The following FBXL13 variants were observed in gnomAD, a reference collection of about 807,000 sequenced individuals.
FBXL13 encodes F-box and leucine-rich repeat protein 13.
Under a neutral mutation model 83.6 loss-of-function variants are expected in FBXL13, and 67 were observed. The ratio of observed to expected loss-of-function variants is 0.80; its 90% CI spans 0.66 to 0.98. FBXL13 has a LOEUF of 0.98. FBXL13 is among the 50% of genes least tolerant of loss of function. The pLI, the probability that FBXL13 is intolerant of heterozygous loss-of-function variation, is 0.00. For missense variants in FBXL13, 822 were observed against 866.5 expected (o/e 0.95, Z 0.64); for synonymous variants, 272 against 299.5 (o/e 0.91, Z 0.95).
At chr7:102,961,444 C>G (rs1456408018) in intron 8 of FBXL13, among the ~76,000 whole-genome samples, 1 of 148,738 alleles carries the variant, frequency 6.7e-6, no homozygotes, top group Non-Finnish European at 1.5e-5. Flanking sequence ...CCATCCCCAT[C>G]AAGCTACCAA....
intron 8 of FBXL13, among the ~76,000 whole-genome samples, chr7:102,932,549 G>A (rs111891854): frequency 1.2e-3 from 1 of 840 alleles, no homozygotes. Flanking sequence ...ATAATAAACA[G>A]AATAGTTGAC....
At chr7:103,049,027 C>T (rs572406666) in intron 2 of FBXL13, among the ~76,000 whole-genome samples, 21 of 152,292 alleles carry the variant, frequency 1.4e-4, no homozygotes, top group African/African-American at 4.1e-4. Context: ...AATCCTTTCA[C>T]GACTTACACA....
intron 1 of FBXL13, among the ~76,000 whole-genome samples, chr7:103,061,715 G>A (rs555401358): frequency 1.3e-5 from 2 of 152,096 alleles, no homozygotes; most frequent in African/African-American, 4.8e-5. Context: ...AAGACAGGCA[G>A]ATCACGAAGT....
intron 2 of FBXL13, among the ~76,000 whole-genome samples, chr7:103,031,541 T>G (rs1415855928): frequency 1.6e-4 from 25 of 152,228 alleles, no homozygotes; most frequent in Admixed American, 1.6e-3. Flanking sequence ...AAGTTAGTGC[T>G]GGCTACAGAT....
chr7:103,053,855 T>A (rs183529808), intron 2 of FBXL13, among the ~76,000 whole-genome samples: 1 of 152,328 alleles, frequency 6.6e-6, no homozygotes, highest in East Asian at 1.9e-4. Flanking sequence ...ATGGGATACA[T>A]GGGTTCTGCC....
intron 6 of FBXL13, among the ~76,000 whole-genome samples, chr7:102,970,860 A>G (rs1826561224): frequency 6.6e-6 from 1 of 152,216 alleles, no homozygotes; most frequent in Non-Finnish European, 1.5e-5. Flanking sequence ...AGAATCAACA[A>G]ATGAATATGT....
intron 11 of FBXL13, 171 bp downstream of exon 12, chr7:102,912,915 A>G: frequency 1.3e-6 from 1 of 793,288 alleles, no homozygotes. Flanking sequence ...CCAAGAGCCT[A>G]TAATAGCGAT....
chr7:103,065,250 C>T (rs1361310142), intron 1 of FBXL13, among the ~76,000 whole-genome samples: 1 of 152,130 alleles, frequency 6.6e-6, no homozygotes. Flanking sequence ...GTATAGGGAA[C>T]ACTTATGTAC....
In FBXL13 at chr7:102,911,980, T is replaced by C. The variant is rs143933153; in HGVS notation, c.1008+1106A>G. ...GGATACCACAAGATGTCAGTGGAGGTGACTAGGTAAGAATTCTATCCATTC... is the reference window on the plus strand; with the variant it reads ...GGATACCACAAGATGTCAGTGGAGGCGACTAGGTAAGAATTCTATCCATTC... On this transcript the variant is annotated intron_variant, in intron 11 of 19. Coordinates refer to ENST00000313221, the Ensembl canonical transcript of FBXL13. Among the ~76,000 whole-genome samples the C allele has an allele frequency of 3.7e-3, 566 of 152,180 alleles. 5 individuals are homozygous for C. The highest frequency in any genetic ancestry group is 0.013 in the African/African-American group (559 of 41,502).
At chr7:102,838,666 T>C (rs1802409864) in intron 17 of FBXL13, among the ~76,000 whole-genome samples, 1 of 152,094 alleles carries the variant, frequency 6.6e-6, no homozygotes, top group Non-Finnish European at 1.5e-5. Context: ...GAAACATGTG[T>C]TGTATGGGAT....
chr7:102,981,554 A>G (rs1394047195), intron 6 of FBXL13, among the ~76,000 whole-genome samples: 1 of 152,208 alleles, frequency 6.6e-6, no homozygotes, highest in Non-Finnish European at 1.5e-5. Flanking sequence ...GCTAAAACTG[A>G]GTACTATAGA....
intron 2 of FBXL13, among the ~76,000 whole-genome samples, chr7:103,049,469 T>C (rs1414651925): frequency 6.6e-6 from 1 of 152,222 alleles, no homozygotes; most frequent in Non-Finnish European, 1.5e-5. Context: ...ACCAATGAAT[T>C]AGAGTTCTTT....
chr7:103,041,629 C>G (rs1310200074), intron 2 of FBXL13, among the ~76,000 whole-genome samples: 1 of 151,660 alleles, frequency 6.6e-6, no homozygotes, highest in Non-Finnish European at 1.5e-5. Flanking sequence ...CCACCACAAT[C>G]AAGTTGGCTT....
chr7:103,001,325 T>G (rs796939474), intron 6 of FBXL13, among the ~76,000 whole-genome samples: 29 of 152,290 alleles, frequency 1.9e-4, no homozygotes, highest in African/African-American at 7.0e-4. Flanking sequence ...ATAGGTTTCT[T>G]GTAGGCAGTA....
At chr7:102,880,497 T>C (rs1169053946) in intron 14 of FBXL13, among the ~76,000 whole-genome samples, 3 of 152,252 alleles carry the variant, frequency 2.0e-5, no homozygotes, top group East Asian at 1.9e-4. Context: ...TAGGTTTTTT[T>C]CCCAGATAAA....
rs114093097 is a variant in FBXL13 at position 102,978,487 on chromosome 7, C to T, written c.496-10370G>A. On this transcript the variant is annotated intron_variant, in intron 6 of 19. Transcript: ENST00000313221. ...AGACACCTACTCTGACTGGGAGACA[C>T]GTACCCCTGAAGATTGAGAAAGAGG... 573 of 154,524 alleles carry T rather than the reference C, an allele frequency of 3.7e-3. 5 individuals are homozygous for T. Among genetic ancestry groups the T allele is most frequent in the African/African-American group, 0.014 (562 of 41,594 alleles). 9.6% of individuals were successfully genotyped at this position (154,524 alleles called of 1,614,324 possible).
At chr7:102,954,780 C>G (rs1168648161) in intron 8 of FBXL13, among the ~76,000 whole-genome samples, 1 of 152,014 alleles carries the variant, frequency 6.6e-6, no homozygotes, top group Non-Finnish European at 1.5e-5. Flanking sequence ...CAACAAAGAT[C>G]AAAAGAGACA....
At chr7:102,846,744 T>TA (rs1247146280) in intron 17 of FBXL13, among the ~76,000 whole-genome samples, 4 of 151,968 alleles carry the variant, frequency 2.6e-5, no homozygotes, top group African/African-American at 9.7e-5. Flanking sequence ...AGTGTTGTAC[T>TA]AAGGAAGCTT....
intron 16 of FBXL13, among the ~76,000 whole-genome samples, chr7:102,871,096 T>C (rs1357686353): frequency 1.8e-4 from 28 of 152,148 alleles, no homozygotes; most frequent in Non-Finnish European, 4.4e-5. Flanking sequence ...TTCCACTCCT[T>C]AAACACTGAT....
Sources: gnomAD v4.1 joint callset for allele counts (sites outside exome capture counted in the v4.1 genomes callset) on GRCh38, gnomAD v4.1.1 for gene constraint, MANE v1.5 for transcripts, NCBI Gene and HGNC (gene_info 2026-07-23, HGNC 2026-07-21) for gene names.